Variants in CNTN4 observed in about 807,000 individuals in gnomAD.
The protein encoded by CNTN4 is contactin 4.
CNTN4 carries 77 observed loss-of-function variants against 122.5 expected under a neutral mutation model. The observed-to-expected ratio is 0.63, with a 90% CI of 0.52 to 0.76. The LOEUF (loss-of-function observed/expected upper bound fraction) is 0.76, where lower values mean the gene tolerates loss of function less well. Among genes scored for constraint, CNTN4 ranks in the 30% least tolerant of loss-of-function variants. CNTN4 has a pLI of 0.00. For missense variants in CNTN4, 1,256 were observed against 1,259.1 expected (o/e 1.00, Z 0.04); for synonymous variants, 512 against 447.0 (o/e 1.15, Z -1.83).
At chr3:2,706,935 C>A (rs1401860699) in intron 4 of CNTN4, among the ~76,000 whole-genome samples, 1 of 151,792 alleles carries the variant, frequency 6.6e-6, no homozygotes, top group Non-Finnish European at 1.5e-5. Context: ...TTCAAAGTGC[C>A]CAGAAGTGTA....
At chr3:2,471,374 A>G (rs1011036506) in intron 3 of CNTN4, among the ~76,000 whole-genome samples, 1 of 152,232 alleles carries the variant, frequency 6.6e-6, no homozygotes, top group Admixed American at 6.5e-5. Context: ...GCATTTATCT[A>G]TGGAAAGGAG....
intron 3 of CNTN4, among the ~76,000 whole-genome samples, chr3:2,364,897 G>C (rs1180363437): frequency 6.6e-6 from 1 of 152,094 alleles, no homozygotes; most frequent in Non-Finnish European, 1.5e-5. Context: ...GAAATATGCT[G>C]TTTTCATAGT....
chr3:2,969,188 T>A (rs1692631070), intron 13 of CNTN4, among the ~76,000 whole-genome samples: 1 of 152,170 alleles, frequency 6.6e-6, no homozygotes, highest in African/African-American at 2.4e-5. Flanking sequence ...TTTTTGTTGG[T>A]TTCATTCTTA....
chr3:2,140,885 G>A (rs2034961220), intron 2 of CNTN4, among the ~76,000 whole-genome samples: 3 of 152,128 alleles, frequency 2.0e-5, no homozygotes, highest in Admixed American at 1.3e-4. Flanking sequence ...TGAGTTGACT[G>A]TTTCATTGTG....
intron 3 of CNTN4, among the ~76,000 whole-genome samples, chr3:2,518,680 A>G (rs780226562): frequency 6.6e-6 from 1 of 152,154 alleles, no homozygotes; most frequent in Non-Finnish European, 1.5e-5. Context: ...AGTTTTACAG[A>G]TAGAATTGTT....
chr3:2,449,774 T>G (rs999194425), intron 3 of CNTN4, among the ~76,000 whole-genome samples: 1 of 152,184 alleles, frequency 6.6e-6, no homozygotes, highest in African/African-American at 2.4e-5. Flanking sequence ...TAAAAAATAA[T>G]GAAATCTTGC....
At chr3:2,534,180 C>G (rs1328664482) in intron 3 of CNTN4, among the ~76,000 whole-genome samples, 1 of 152,128 alleles carries the variant, frequency 6.6e-6, no homozygotes, top group African/African-American at 2.4e-5. Context: ...AGTCCTTGCC[C>G]ATGCCTATGT....
intron 3 of CNTN4, among the ~76,000 whole-genome samples, chr3:2,380,488 A>T (rs996056237): frequency 1.3e-5 from 2 of 152,204 alleles, no homozygotes; most frequent in Non-Finnish European, 2.9e-5. Context: ...TATGAATTTG[A>T]ATAGTAACGA....
chr3:2,777,241 A>G (rs569932497), intron 6 of CNTN4, among the ~76,000 whole-genome samples: 71 of 152,140 alleles, frequency 4.7e-4, no homozygotes, highest in Non-Finnish European at 8.8e-4. Flanking sequence ...CATGATTAAT[A>G]CCCCTAACAT....
intron 3 of CNTN4, among the ~76,000 whole-genome samples, chr3:2,519,971 A>G (rs1443848742): frequency 1.3e-5 from 2 of 152,132 alleles, no homozygotes; most frequent in East Asian, 3.9e-4. Context: ...AGAATGAGGT[A>G]AAGCATGTAA....
chr3:2,780,877 T>C (rs1394792909), intron 6 of CNTN4, among the ~76,000 whole-genome samples: 2 of 152,364 alleles, frequency 1.3e-5, no homozygotes, highest in East Asian at 3.9e-4. Context: ...GTTTTAGATA[T>C]TGTGAATTCG....
At chr3:2,279,580 A>G (rs1212629604) in intron 2 of CNTN4, among the ~76,000 whole-genome samples, 4 of 152,206 alleles carry the variant, frequency 2.6e-5, no homozygotes, top group Non-Finnish European at 4.4e-5. Context: ...ATGACTGAAG[A>G]AACAGAATCA....
At chr3:2,731,858 G>A (rs1451371181) in intron 4 of CNTN4, among the ~76,000 whole-genome samples, 1 of 152,208 alleles carries the variant, frequency 6.6e-6, no homozygotes, top group African/African-American at 2.4e-5. Flanking sequence ...TAGGTCAGTG[G>A]ACTATTGTGA....
intron 8 of CNTN4, among the ~76,000 whole-genome samples, chr3:2,872,333 T>C (rs765057873): frequency 6.6e-6 from 1 of 152,216 alleles, no homozygotes; most frequent in Non-Finnish European, 1.5e-5. Flanking sequence ...TAATGTCTGT[T>C]ACACTGTTTA....
At chr3:2,221,572 T>A (rs1424686278) in intron 2 of CNTN4, among the ~76,000 whole-genome samples, 2 of 150,110 alleles carry the variant, frequency 1.3e-5, no homozygotes, top group Admixed American at 6.6e-5. Flanking sequence ...TTAAAAAAAA[T>A]TTCCTTCAAA....
chr3:2,361,385 T>C (rs1242285107), intron 3 of CNTN4, among the ~76,000 whole-genome samples: 1 of 152,188 alleles, frequency 6.6e-6, no homozygotes, highest in Non-Finnish European at 1.5e-5. Context: ...GGATAGGTGC[T>C]ATTTTGTAAC....
Position 2,903,177 on chromosome 3 carries a change from G to C in CNTN4, c.1207+172G>C, listed in dbSNP as rs544707936. Reference sequence around the variant, plus strand: ...AGCAAGTCTATAAACAATAACAAGAGAACGCTTTCTAAATCCGCCTCTTCT... The same window carrying C: ...AGCAAGTCTATAAACAATAACAAGACAACGCTTTCTAAATCCGCCTCTTCT... On this transcript the variant is annotated intron_variant, in intron 12 of 24. Transcript: ENST00000418658. Among the ~76,000 whole-genome samples, 4 of 152,292 alleles carry C rather than the reference G, an allele frequency of 2.6e-5. No individual in the cohort carries two copies. The East Asian group carries it at 7.7e-4, about 29-fold the overall frequency.
intron 3 of CNTN4, among the ~76,000 whole-genome samples, chr3:2,535,021 T>C (rs1430584428): frequency 6.6e-6 from 1 of 152,168 alleles, no homozygotes; most frequent in African/African-American, 2.4e-5. Flanking sequence ...AAGGACCTTC[T>C]TTACATAATA....
At chr3:2,524,612 T>G (rs1243784726) in intron 3 of CNTN4, among the ~76,000 whole-genome samples, 1 of 151,734 alleles carries the variant, frequency 6.6e-6, no homozygotes, top group Non-Finnish European at 1.5e-5. Context: ...CAATGAAGAG[T>G]TTTACTCATT....
Sources: gnomAD v4.1 joint callset for allele counts (sites outside exome capture counted in the v4.1 genomes callset) on GRCh38, gnomAD v4.1.1 for gene constraint, MANE v1.5 for transcripts, NCBI Gene and HGNC (gene_info 2026-07-23, HGNC 2026-07-21) for gene names.